RBFOX1: variants seen among roughly 807,000 people sequenced by gnomAD.
RBFOX1 encodes the protein RNA binding fox-1 homolog 1, also known as RNA binding protein fox-1 homolog 1.
RBFOX1 carries 8 observed loss-of-function variants against 57.7 expected under a neutral mutation model. The observed-to-expected ratio is 0.14, with a 90% CI of 0.08 to 0.25. The LOEUF is 0.25. Among genes scored for constraint, RBFOX1 ranks in the 10% least tolerant of loss-of-function variants. RBFOX1 has a pLI of 1.00. For synonymous variants in RBFOX1, 326 were observed against 222.4 expected (o/e 1.47, Z -4.15); for missense variants, 611 against 548.5 (o/e 1.11, Z -1.14).
intron 3 of RBFOX1, among the ~76,000 whole-genome samples, chr16:6,914,606 G>A (rs1391167377): frequency 6.6e-6 from 1 of 152,094 alleles, no homozygotes; most frequent in Non-Finnish European, 1.5e-5. Flanking sequence ...AGGAGCAGTG[G>A]CTCACGCCTC....
rs869240597 is a variant in RBFOX1 at position 5,651,040 on chromosome 16, C to CT, written c.318+52109dup. Among the ~76,000 whole-genome samples the CT allele has an allele frequency of 8.2e-3, 469 of 56,854 alleles. 86 individuals are homozygous for CT. The highest frequency in any genetic ancestry group is 0.027 in the African/African-American group (374 of 13,746). 37.3% of individuals were successfully genotyped at this position (56,854 alleles called of 152,430 possible). ...TCCTCTGGGAGAACACTACCTCCTT[C>CT]TTTTTTTTTTTTTTTTTTTTTTTTT... is the stretch of plus-strand genomic sequence containing the variant. On this transcript the variant is annotated intron_variant, in intron 3 of 19. Transcript: ENST00000641259.
chr16:6,112,390 G>T (rs150519420), intron 1 of RBFOX1, among the ~76,000 whole-genome samples: 57 of 152,216 alleles, frequency 3.7e-4, no homozygotes, highest in Non-Finnish European at 6.8e-4. Context: ...AGTAATAAAG[G>T]TTCGTTAAAG....
intron 4 of RBFOX1, among the ~76,000 whole-genome samples, chr16:7,351,237 T>G (rs1422197842): frequency 6.6e-6 from 1 of 152,230 alleles, no homozygotes; most frequent in Non-Finnish European, 1.5e-5. Context: ...AACAGGTTCT[T>G]TTACCTCTCT....
intron 2 of RBFOX1, among the ~76,000 whole-genome samples, chr16:6,362,871 T>G (rs1238060799): frequency 1.3e-5 from 2 of 152,216 alleles, no homozygotes; most frequent in African/African-American, 4.8e-5. Context: ...AAACAGAGGA[T>G]GGAGACTAAA....
chr16:6,568,789 A>G (rs2097303308), intron 2 of RBFOX1, among the ~76,000 whole-genome samples: 1 of 151,810 alleles, frequency 6.6e-6, no homozygotes, highest in Admixed American at 6.6e-5. Context: ...TTATTTTTTG[A>G]GATTGAGTCT....
intron 3 of RBFOX1, among the ~76,000 whole-genome samples, chr16:5,681,368 G>A (rs1280057532): frequency 6.7e-6 from 1 of 150,296 alleles, no homozygotes; most frequent in Non-Finnish European, 1.5e-5. Flanking sequence ...ACAGGCATGA[G>A]CTACCGTGCC....
At chr16:6,298,333 C>G (rs1599349140) in intron 1 of RBFOX1, among the ~76,000 whole-genome samples, 1 of 152,142 alleles carries the variant, frequency 6.6e-6, no homozygotes, top group East Asian at 1.9e-4. Flanking sequence ...TTTTTGCTTT[C>G]CATCACACTG....
Position 6,019,304 on chromosome 16 carries a change from C to CT in RBFOX1, c.-812dup. ...GAGCGCGGGGTTTGAAGGTCACCTC[C>CT]TTTCCAGTCCCCGTGCGAGCCGCGC... is the stretch of plus-strand genomic sequence containing the variant. On this transcript the variant is annotated 5_prime_UTR_variant, in exon 1 of 16. Coordinates refer to ENST00000550418, the MANE Select transcript of RBFOX1 (RefSeq NM_018723.4). The surrounding 1 kb of genome is among the most constrained non-coding windows in gnomAD (Gnocchi z 4.2). 2 of 985,506 alleles carry CT rather than the reference C, an allele frequency of 2.0e-6. No homozygotes were observed. Among genetic ancestry groups the CT allele is most frequent in the Non-Finnish European group, 2.4e-6 (2 of 830,266 alleles). 61.0% of individuals were successfully genotyped at this position (985,506 alleles called of 1,614,324 possible).
At chr16:5,813,819 A>G (rs1348614436) in intron 3 of RBFOX1, among the ~76,000 whole-genome samples, 1 of 152,216 alleles carries the variant, frequency 6.6e-6, no homozygotes, top group Non-Finnish European at 1.5e-5. Context: ...AATTTTAGTG[A>G]TTTATTCTGA....
chr16:6,749,860 G>T (rs1314308586), intron 3 of RBFOX1, among the ~76,000 whole-genome samples: 2 of 152,162 alleles, frequency 1.3e-5, no homozygotes, highest in South Asian at 4.1e-4. Flanking sequence ...ATAATAGTCA[G>T]CAGGAAACAC....
intron 4 of RBFOX1, among the ~76,000 whole-genome samples, chr16:7,252,391 G>A (rs2094528183): frequency 6.6e-6 from 1 of 152,216 alleles, no homozygotes; most frequent in African/African-American, 2.4e-5. Context: ...ACATCTGGCT[G>A]GGGCAGAGGT....
intron 3 of RBFOX1, among the ~76,000 whole-genome samples, chr16:6,756,719 C>G (rs28893859): frequency 0.26 from 39,278 of 152,022 alleles, 5,493 homozygotes; most frequent in Non-Finnish European, 0.31. Context: ...CGCCTGTAAT[C>G]CCAACACTTT....
chr16:6,032,230 G>A (rs866801993), intron 1 of RBFOX1, among the ~76,000 whole-genome samples: 8 of 151,788 alleles, frequency 5.3e-5, no homozygotes, highest in Non-Finnish European at 7.4e-5. Flanking sequence ...TATTTTCCTC[G>A]TTCTCGCCTA....
At chr16:7,008,411 G>A (rs1000274167) in intron 3 of RBFOX1, among the ~76,000 whole-genome samples, 15 of 151,800 alleles carry the variant, frequency 9.9e-5, no homozygotes, top group African/African-American at 1.5e-4. Flanking sequence ...GCATGGTGGC[G>A]CATCTGTAAT....
At chr16:6,121,091 TCTTC>T (rs1347452999) in intron 1 of RBFOX1, among the ~76,000 whole-genome samples, 4 of 152,226 alleles carry the variant, frequency 2.6e-5, no homozygotes, top group Non-Finnish European at 5.9e-5. Context: ...TGATAACAAA[TCTTC>T]CTGTCCAACT....
chr16:6,966,829 G>GTCTGTCTA (rs1382887917), intron 3 of RBFOX1, among the ~76,000 whole-genome samples: 31 of 148,720 alleles, frequency 2.1e-4, no homozygotes, highest in African/African-American at 7.8e-4. Flanking sequence ...CTATCTATCT[G>GTCTGTCTA]TCTATCTATC....
intron 11 of RBFOX1, among the ~76,000 whole-genome samples, chr16:7,648,947 C>T (rs1341063033): frequency 6.6e-6 from 1 of 152,028 alleles, no homozygotes; most frequent in Non-Finnish European, 1.5e-5. Context: ...GAAAAACGTA[C>T]AAGGGTAGAA....
At chr16:7,224,946 G>A (rs1003146305) in intron 4 of RBFOX1, among the ~76,000 whole-genome samples, 10 of 152,198 alleles carry the variant, frequency 6.6e-5, no homozygotes, top group African/African-American at 2.2e-4. Context: ...TGAGGAGGGT[G>A]ATAAGAGTGG....
intron 5 of RBFOX1, among the ~76,000 whole-genome samples, chr16:7,530,247 G>C (rs2079703012): frequency 6.6e-6 from 1 of 152,060 alleles, no homozygotes; most frequent in African/African-American, 2.4e-5. Context: ...CCAATGTAAG[G>C]ATGTCCTAAG....
Sources: allele counts gnomAD v4.1 joint callset (sites outside exome capture counted in the v4.1 genomes callset), GRCh38; gene constraint gnomAD v4.1.1; non-coding constraint Gnocchi (gnomAD v3.1); transcripts MANE v1.5; gene names NCBI Gene and HGNC (gene_info 2026-07-23, HGNC 2026-07-21).